The following PIPOX variants were observed in gnomAD, a reference collection of about 807,000 sequenced individuals.
PIPOX encodes the protein pipecolic acid and sarcosine oxidase.
In PIPOX, 45 loss-of-function variants were observed where a neutral mutation model predicts 47.9. That is an observed-to-expected ratio of 0.94 (90% CI 0.74 to 1.20). The LOEUF (loss-of-function observed/expected upper bound fraction) is 1.20. PIPOX is among the 50% of genes most tolerant of loss of function. The pLI is 0.00. For missense variants in PIPOX, 458 were observed against 498.4 expected, an observed-to-expected ratio of 0.92 and a Z score of 0.77; for synonymous variants, 165 against 191.3, an observed-to-expected ratio of 0.86 and a Z score of 1.13.
rs958183695 is a variant in PIPOX at position 29,056,380 on chromosome 17, G to T, written c.*75G>T. Reference sequence around the variant, plus strand: ...GGAGAAGATGTCTCAGATGAAGGGAGTGTCCCTGAGATATCATCCTTTTCT... The same window carrying T: ...GGAGAAGATGTCTCAGATGAAGGGATTGTCCCTGAGATATCATCCTTTTCT... On this transcript the variant is annotated 3_prime_UTR_variant, in exon 8 of 8. Coordinates refer to ENST00000323372, the MANE Select transcript of PIPOX (RefSeq NM_016518.3). 4.0e-5 allele frequency: 62 copies of T among 1,540,686 alleles called. No homozygotes were observed. Among genetic ancestry groups the T allele is most frequent in the Non-Finnish European group, 5.5e-5 (61 of 1,118,194 alleles).
intron 2 of PIPOX, chr17:29,046,511 T>G: frequency 7.2e-6 from 6 of 838,874 alleles, no homozygotes; most frequent in South Asian, 5.5e-5. Context: ...GAGGATTAAA[T>G]GAGACTTTTG....
At chr17:29,044,769 G>T (rs2065778458) in intron 1 of PIPOX, 90 bp from the exon 2 acceptor site, 5 of 1,326,396 alleles carry the variant, frequency 3.8e-6, no homozygotes, top group Admixed American at 2.4e-5. Context: ...AATGGCTCCT[G>T]GTTGACAGCA....
At chr17:29,053,355 C>T (rs2065814292) in intron 3 of PIPOX, 58 bp from the exon 4 acceptor site, 1 of 1,534,772 alleles carries the variant, frequency 6.5e-7, no homozygotes, top group African/African-American at 1.4e-5. Flanking sequence ...GGCTTTCTGT[C>T]CACCAGGGTG....
In PIPOX at chr17:29,044,890, A is replaced by G. The variant is rs1275128362; in HGVS notation, c.146A>G (p.His49Arg). The change falls in exon 2 of 8, where the codon CAT becomes CGT. Residue 49 changes from histidine to arginine, a missense_variant. His to Arg is a conservative substitution (Grantham distance 29). Transcript: ENST00000323372. ...CTACCACACTCCCGAGGAAGCTCCC[A>G]TGGACAAAGCCGGATAATCCGAAAG... ...FFLPHSRGSS[H>R]GQSRIIRKAY... The G allele has an allele frequency of 4.3e-6, 7 of 1,613,858 alleles. No individual in the cohort carries two copies. Among genetic ancestry groups the G allele is most frequent in the Non-Finnish European group, 5.9e-6 (7 of 1,179,954 alleles).
rs762598942 is a variant in PIPOX at position 29,057,061 on chromosome 17, C to T, written c.*756C>T. On this transcript the variant is annotated 3_prime_UTR_variant, in exon 8 of 8. Coordinates refer to ENST00000323372, the MANE Select transcript of PIPOX (RefSeq NM_016518.3). ...GGGATGGATTTGACTAAATCTGCCCCGAGGAGGGTGAACAAGGTGATCTCA... is the reference window on the plus strand; with the variant it reads ...GGGATGGATTTGACTAAATCTGCCCTGAGGAGGGTGAACAAGGTGATCTCA... 16 of 152,254 alleles carry T rather than the reference C, an allele frequency of 1.1e-4. No homozygotes were observed. Among genetic ancestry groups the T allele is most frequent in the African/African-American group, 3.4e-4 (14 of 41,540 alleles). 9.4% of individuals were successfully genotyped at this position (152,254 alleles called of 1,614,324 possible).
chr17:29,054,644 C>T lies in PIPOX; in HGVS notation c.760C>T (p.His254Tyr), dbSNP rs779169213. The stretch of plus-strand genomic sequence containing the variant: ...CTTCCTGTGGCTGGGCTTGTGTCCC[C>T]ACCACATCTACGGACTGCCCACAGG... The part of the protein sequence containing the change: ...PCFLWLGLCP[H>Y]HIYGLPTGEY... Residue 254 changes from histidine (H) to tyrosine (Y), a missense_variant, in exon 5 of 8, where the codon CAC becomes TAC. By Grantham distance (83) the His-to-Tyr change is moderately conservative (BLOSUM62 2). Transcript: ENST00000323372. 1 of 1,614,180 alleles carries T rather than the reference C, an allele frequency of 6.2e-7. No individual in the cohort carries two copies. The highest frequency in any genetic ancestry group is 8.5e-7 in the Non-Finnish European group (1 of 1,180,014).
intron 3 of PIPOX, 59 bp downstream of exon 3, chr17:29,053,192 C>T: frequency 6.6e-7 from 1 of 1,521,738 alleles, no homozygotes. Flanking sequence ...GTCCTGGGTC[C>T]CAAGCAGCCA....
At position 29,056,432 on chromosome 17, in the gene PIPOX, CACCAGATGATTGAGTCT is replaced by C; in HGVS notation, c.*131_*147del. On this transcript the variant is annotated 3_prime_UTR_variant, in exon 8 of 8. Coordinates refer to ENST00000323372, the MANE Select transcript of PIPOX (RefSeq NM_016518.3). ...CTGCCTCGCCTGAATCCCCCATAAA[CACCAGATGATTGAGTCT>C]ACCTTCTTTCCTTGGCCCGCTCCCT... The C allele has an allele frequency of 9.3e-7, 1 of 1,070,978 alleles. No homozygotes were observed. The highest frequency in any genetic ancestry group is 2.3e-5 in the Admixed American group (1 of 43,016). 66.3% of individuals were successfully genotyped at this position (1,070,978 alleles called of 1,614,324 possible).
At position 29,044,978 on chromosome 17, in the gene PIPOX, G is replaced by T. The variant is rs2065779666; in HGVS notation, c.234G>T (p.Leu78=). 4 of 1,611,404 alleles carry T rather than the reference G, an allele frequency of 2.5e-6. No individual in the cohort carries two copies. The East Asian group carries it at 8.9e-5, about 36-fold the overall frequency. The change falls in exon 2 of 8, where the codon CTG becomes CTT. Residue 78 remains leucine (L), a synonymous_variant. Coordinates refer to ENST00000323372, the MANE Select transcript of PIPOX (RefSeq NM_016518.3). ...MHECYQIWAQ[L]EHEAGTQLHR... The stretch of plus-strand genomic sequence containing the variant: ...AGTGCTATCAGATATGGGCCCAGCT[G>T]GAGCACGAGGCTGGAACCCAATTGC...
intron 1 of PIPOX, 99 bp from the exon 2 acceptor site, chr17:29,044,760 A>G: frequency 8.1e-7 from 1 of 1,233,644 alleles, no homozygotes; most frequent in Non-Finnish European, 1.1e-6. Context: ...TGAAGGATAA[A>G]TGGCTCCTGG....
In PIPOX at chr17:29,043,149, C is replaced by T; in HGVS notation, c.-77C>T. The T allele has an allele frequency of 8.6e-7, 1 of 1,167,344 alleles. No homozygotes were observed. The highest frequency in any genetic ancestry group is 1.2e-6 in the Non-Finnish European group (1 of 800,166). The allele number at this position is 1,167,344 out of a possible 1,614,324, so 72.3% of individuals were successfully genotyped here. A position where few individuals can be genotyped will look rare whatever the true frequency, so the allele number is the denominator to read the frequency against. On this transcript the variant is annotated 5_prime_UTR_variant, in exon 1 of 8. Coordinates refer to ENST00000323372, the MANE Select transcript of PIPOX (RefSeq NM_016518.3). ...TGGCCAGGCTGGACTTTGCCTTCCT[C>T]CTCGTCCTTTAGCCGGGAGCCTGTC...
At chr17:29,054,780 G>A (rs1476152226) in intron 5 of PIPOX, 89 bp downstream of exon 5, 24 of 1,447,370 alleles carry the variant, frequency 1.7e-5, no homozygotes, top group Middle Eastern at 2.2e-4. Context: ...ATGCCCTTGG[G>A]TCTCGGGGCC....
At chr17:29,050,060 T>C (rs2065800177) in intron 2 of PIPOX, among the ~76,000 whole-genome samples, 1 of 152,196 alleles carries the variant, frequency 6.6e-6, no homozygotes, top group Non-Finnish European at 1.5e-5. Context: ...TCAACAGATA[T>C]GCCCGTTGTC....
chr17:29,053,429 T>C lies in PIPOX; in HGVS notation c.494T>C (p.Leu165Pro), dbSNP rs1439037224. The C allele has an allele frequency of 1.9e-6, 3 of 1,612,084 alleles. No homozygotes were observed. The African/African-American group carries it at 4.0e-5, about 22-fold the overall frequency. The change falls in exon 4 of 8, where the codon CTA (leucine) becomes CCA (proline). Residue 165 changes from leucine (L) to proline (P), a missense_variant. By Grantham distance (98) the Leu-to-Pro change is moderately conservative. Transcript: ENST00000323372. ...CCCTTTCAGGATGCAATTCGACAGC[T>C]AGGAGGCATAGTGCGTGACGGAGAG... is the stretch of plus-strand genomic sequence containing the variant. ...LRALQDAIRQLGGIVRDGEKV... is the reference protein window; with the variant it reads ...LRALQDAIRQPGGIVRDGEKV...
chr17:29,045,066 T>C, intron 2 of PIPOX, 59 bp downstream of exon 2: 4 of 1,508,224 alleles, frequency 2.7e-6, no homozygotes, highest in Non-Finnish European at 3.6e-6. Flanking sequence ...GTACTTTTAG[T>C]GTGTGAAGTG....
intron 2 of PIPOX, among the ~76,000 whole-genome samples, chr17:29,052,183 C>T (rs145013831): frequency 1.5e-3 from 228 of 152,070 alleles, no homozygotes; most frequent in Middle Eastern, 0.014. Context: ...AAGAGGGAAG[C>T]GGGGAGGGCA....
chr17:29,045,112 G>A, intron 2 of PIPOX, 105 bp downstream of exon 2: 1 of 1,271,078 alleles, frequency 7.9e-7, no homozygotes, highest in Non-Finnish European at 1.1e-6. Flanking sequence ...CAATGGGAGG[G>A]ACACAAGGCC....
chr17:29,048,018 T>C, intron 2 of PIPOX, among the ~76,000 whole-genome samples: 1 of 152,236 alleles, frequency 6.6e-6, no homozygotes, highest in Non-Finnish European at 1.5e-5. Flanking sequence ...CTAAGTATTC[T>C]TACTACTATT....
intron 5 of PIPOX, 87 bp from the exon 6 acceptor site, chr17:29,054,976 C>A: frequency 6.5e-7 from 1 of 1,527,732 alleles, no homozygotes; most frequent in Non-Finnish European, 9.0e-7. Flanking sequence ...ATGGATGGGG[C>A]TGTCCTGTGT....
Sources: gnomAD v4.1 joint callset for allele counts (sites outside exome capture counted in the v4.1 genomes callset) on GRCh38, gnomAD v4.1.1 for gene constraint, MANE v1.5 for transcripts, NCBI Gene and HGNC (gene_info 2026-07-23, HGNC 2026-07-21) for gene names.